Variants in RAPGEF4 observed in about 807,000 individuals in gnomAD.
RAPGEF4 encodes the protein RAP guanine-nucleotide-exchange factor (GEF) 4.
RAPGEF4 carries 66 observed loss-of-function variants against 147.9 expected under a neutral mutation model. That is an observed-to-expected ratio of 0.45 (90% CI 0.37 to 0.55). RAPGEF4 has a LOEUF of 0.55. RAPGEF4 is among the 20% of genes least tolerant of loss of function. The pLI, the probability that RAPGEF4 is intolerant of heterozygous loss-of-function variation, is 0.00. For synonymous variants in RAPGEF4, 419 were observed against 442.7 expected (o/e 0.95, Z 0.67); for missense variants, 1,071 against 1,257.3 (o/e 0.85, Z 2.24).
chr2:172,789,175 T>C (rs998780725), intron 1 of RAPGEF4, among the ~76,000 whole-genome samples: 3 of 152,216 alleles, frequency 2.0e-5, no homozygotes, highest in Non-Finnish European at 4.4e-5. Context: ...CTCACTTGAT[T>C]AGGTCAGGCC....
intron 6 of RAPGEF4, among the ~76,000 whole-genome samples, chr2:172,958,701 C>T (rs1461372149): frequency 1.3e-5 from 2 of 152,182 alleles, no homozygotes; most frequent in Non-Finnish European, 2.9e-5. Context: ...GACATCTGTG[C>T]TACAGTGATT....
intron 10 of RAPGEF4, among the ~76,000 whole-genome samples, chr2:172,967,991 G>T (rs531900003): frequency 6.6e-6 from 1 of 152,172 alleles, no homozygotes; most frequent in East Asian, 1.9e-4. Context: ...TCTCCCTTCT[G>T]TCTCAGCTGA....
Position 172,988,800 on chromosome 2 carries a change from C to T in RAPGEF4, c.1335C>T (p.Phe445=), listed in dbSNP as rs1258338454. The T allele has an allele frequency of 6.2e-7, 1 of 1,613,966 alleles. No homozygotes were observed. The highest frequency in any genetic ancestry group is 1.1e-5 in the South Asian group (1 of 91,076). The change falls in exon 14 of 31, where the codon TTC becomes TTT. Residue 445 remains phenylalanine, a synonymous_variant. Transcript: ENST00000397081. ...SIVLREDNCH[F]LRVDKEDFNR... is the part of the protein sequence containing the mutation. ...TCTTACGAGAAGATAACTGCCATTT[C>T]TTAAGAGTAGACAAGGAGGATTTCA...
At chr2:173,018,100 T>C (rs1695673620) in intron 21 of RAPGEF4, among the ~76,000 whole-genome samples, 3 of 152,198 alleles carry the variant, frequency 2.0e-5, no homozygotes, top group Admixed American at 1.3e-4. Flanking sequence ...GCTCCCAGGA[T>C]TTTTGTGTTC....
At chr2:173,044,487 G>T (rs73971881) in intron 29 of RAPGEF4, among the ~76,000 whole-genome samples, 1 of 152,102 alleles carries the variant, frequency 6.6e-6, no homozygotes, top group Non-Finnish European at 1.5e-5. Flanking sequence ...AAATAGACGC[G>T]TGACATAGTC....
chr2:172,942,502 C>A (rs1030464747), intron 6 of RAPGEF4, among the ~76,000 whole-genome samples: 1 of 150,468 alleles, frequency 6.6e-6, no homozygotes, highest in Non-Finnish European at 1.5e-5. Flanking sequence ...ATGCCAGGTG[C>A]CTCAACACTG....
chr2:172,768,028 T>G (rs1213029496), intron 1 of RAPGEF4, among the ~76,000 whole-genome samples: 1 of 152,022 alleles, frequency 6.6e-6, no homozygotes, highest in Non-Finnish European at 1.5e-5. Context: ...GCCAGGCTGG[T>G]CTCGAACTCC....
intron 1 of RAPGEF4, among the ~76,000 whole-genome samples, chr2:172,737,811 G>A (rs1449996062): frequency 2.0e-5 from 3 of 148,406 alleles, no homozygotes; most frequent in Admixed American, 6.8e-5. Flanking sequence ...GCTGTTACCA[G>A]TTCTGATATT....
chr2:172,897,631 G>T (rs1028858540), intron 4 of RAPGEF4, among the ~76,000 whole-genome samples: 2 of 151,848 alleles, frequency 1.3e-5, no homozygotes, highest in Non-Finnish European at 2.9e-5. Flanking sequence ...CGAACTCCTG[G>T]CCTCAAAGGA....
chr2:172,746,287 G>T (rs903794032), intron 1 of RAPGEF4, among the ~76,000 whole-genome samples: 1 of 151,994 alleles, frequency 6.6e-6, no homozygotes, highest in East Asian at 1.9e-4. Flanking sequence ...GTATAATTTG[G>T]TAGCCAAACA....
intron 1 of RAPGEF4, among the ~76,000 whole-genome samples, chr2:172,752,325 A>G (rs1695376597): frequency 6.6e-6 from 1 of 152,212 alleles, no homozygotes; most frequent in African/African-American, 2.4e-5. Context: ...ACAATTTCTC[A>G]TTTGAAGGAT....
At chr2:172,746,553 A>T (rs1694788835) in intron 1 of RAPGEF4, among the ~76,000 whole-genome samples, 1 of 152,220 alleles carries the variant, frequency 6.6e-6, no homozygotes, top group Non-Finnish European at 1.5e-5. Flanking sequence ...TTATTGAATA[A>T]AATTGATTGT....
intron 4 of RAPGEF4, among the ~76,000 whole-genome samples, chr2:172,861,031 A>C (rs1368266324): frequency 6.6e-6 from 1 of 152,222 alleles, no homozygotes; most frequent in East Asian, 1.9e-4. Context: ...CTGATTTCAC[A>C]GTTTATTTTT....
At chr2:173,051,107 G>A (rs1277976957) in intron 30 of RAPGEF4, among the ~76,000 whole-genome samples, 1 of 152,210 alleles carries the variant, frequency 6.6e-6, no homozygotes, top group Non-Finnish European at 1.5e-5. Flanking sequence ...AATATGGACA[G>A]TCTCTAAGAA....
At chr2:173,035,612 A>C (rs1420897277) in intron 27 of RAPGEF4, among the ~76,000 whole-genome samples, 1 of 152,132 alleles carries the variant, frequency 6.6e-6, no homozygotes, top group Non-Finnish European at 1.5e-5. Context: ...TTGGCCTCCA[A>C]AAGTGCTGGG....
At chr2:172,835,671 TGAATATAAATCATTA>T (rs1227924317) in intron 4 of RAPGEF4, among the ~76,000 whole-genome samples, 1 of 152,248 alleles carries the variant, frequency 6.6e-6, no homozygotes, top group Non-Finnish European at 1.5e-5. Flanking sequence ...ATATGTTTTA[TGAATATAAATCATTA>T]GAATACGTTC....
chr2:172,822,326 A>G (rs1356775744), intron 4 of RAPGEF4, among the ~76,000 whole-genome samples: 2 of 152,208 alleles, frequency 1.3e-5, no homozygotes, highest in Admixed American at 6.5e-5. Flanking sequence ...TTCTAGTGAC[A>G]TATTTGAATG....
At chr2:172,973,141 C>T (rs1254016718) in intron 10 of RAPGEF4, among the ~76,000 whole-genome samples, 1 of 147,362 alleles carries the variant, frequency 6.8e-6, no homozygotes, top group Non-Finnish European at 1.5e-5. Flanking sequence ...GAGACAGGGT[C>T]CCACTCTGTC....
At chr2:172,992,376 T>G (rs1692921873) in intron 15 of RAPGEF4, among the ~76,000 whole-genome samples, 1 of 152,242 alleles carries the variant, frequency 6.6e-6, no homozygotes, top group Admixed American at 6.5e-5. Context: ...AGGTTGGGAC[T>G]GCTTCTAGTG....
Sources: gnomAD v4.1 joint callset for allele counts (sites outside exome capture counted in the v4.1 genomes callset) on GRCh38, gnomAD v4.1.1 for gene constraint, MANE v1.5 for transcripts, NCBI Gene and HGNC (gene_info 2026-07-23, HGNC 2026-07-21) for gene names.